The following PROSER2 variants were observed in gnomAD, a reference collection of about 807,000 sequenced individuals.
PROSER2 encodes proline and serine rich 2, also known as proline and serine-rich protein 2.
PROSER2 carries 18 observed loss-of-function variants against 14.6 expected under a neutral mutation model. The ratio of observed to expected loss-of-function variants is 1.23; its 90% CI spans 0.85 to 1.83. The LOEUF (loss-of-function observed/expected upper bound fraction) is 1.83. PROSER2 is among the 40% of genes most tolerant of loss of function. PROSER2 has a pLI of 0.00. For synonymous variants in PROSER2, 367 were observed against 286.4 expected, an observed-to-expected ratio of 1.28 and a Z score of -2.84; for missense variants, 823 against 629.8, an observed-to-expected ratio of 1.31 and a Z score of -3.28.
At position 11,838,487 on chromosome 10, in the gene PROSER2, G is replaced by A. The variant is rs796291006; in HGVS notation, c.-81-13510G>A. ...CAACACTGTATACCCATCCCGGCAC[G>A]TGTTTCCACATGTTCCTAGTAGACA... On this transcript the variant is annotated intron_variant, in intron 1 of 3. Transcript: ENST00000277570. This position sits in a 1 kb window ranked among gnomAD's most constrained non-coding sequence, Gnocchi z 4.4. Among the ~76,000 whole-genome samples the A allele has an allele frequency of 3.9e-5, 6 of 152,338 alleles. No homozygotes were observed. Among genetic ancestry groups the A allele is most frequent in the African/African-American group, 1.2e-4 (5 of 41,574 alleles).
In PROSER2 at chr10:11,830,353, CATG is replaced by C. The variant is rs1212306920; in HGVS notation, c.-82+6886_-82+6888del. Among the ~76,000 whole-genome samples, 7 of 152,222 alleles carry C rather than the reference CATG, an allele frequency of 4.6e-5. No homozygotes were observed. Among genetic ancestry groups the C allele is most frequent in the Non-Finnish European group, 1.0e-4 (7 of 68,030 alleles). On this transcript the variant is annotated intron_variant, in intron 1 of 3. Transcript: ENST00000277570. The surrounding 1 kb of genome is among the most constrained non-coding windows in gnomAD (Gnocchi z 4.5). ...GTTCCATCCACGTTGCTGCAAAAGA[CATG>C]ATTGCATTCATTTTTATGGCTGAGT...
chr10:11,844,577 TA>T (rs1370541417), intron 1 of PROSER2, among the ~76,000 whole-genome samples: 5 of 152,218 alleles, frequency 3.3e-5, no homozygotes, highest in Non-Finnish European at 7.3e-5. Context: ...TTTTGCTCAG[TA>T]ATATACCTAG....
intron 1 of PROSER2, among the ~76,000 whole-genome samples, chr10:11,829,484 T>A (rs1833661900): frequency 6.6e-6 from 1 of 151,798 alleles, no homozygotes; most frequent in South Asian, 2.1e-4. Context: ...CTCAGGACGC[T>A]GAGGCAGGAG....
intron 2 of PROSER2, among the ~76,000 whole-genome samples, chr10:11,864,194 T>G (rs1420715396): frequency 6.6e-6 from 1 of 152,234 alleles, no homozygotes; most frequent in African/African-American, 2.4e-5. Flanking sequence ...GGATTATGTA[T>G]AGGATCCTAG....
chr10:11,833,507 G>A (rs926878254), intron 1 of PROSER2, among the ~76,000 whole-genome samples: 8 of 151,756 alleles, frequency 5.3e-5, no homozygotes, highest in African/African-American at 1.5e-4. Flanking sequence ...CCTGGCCAAC[G>A]TGGTGAAACC....
At chr10:11,852,904 C>G (rs1834054970) in intron 2 of PROSER2, among the ~76,000 whole-genome samples, 1 of 151,714 alleles carries the variant, frequency 6.6e-6, no homozygotes. Context: ...AGTAAAGATG[C>G]TTTTGTATCC....
chr10:11,868,699 G>A (rs970132181), intron 3 of PROSER2, among the ~76,000 whole-genome samples: 1 of 152,146 alleles, frequency 6.6e-6, no homozygotes, highest in Non-Finnish European at 1.5e-5. Flanking sequence ...CACTCAGGCT[G>A]GAGTGCAGTG....
intron 2 of PROSER2, among the ~76,000 whole-genome samples, chr10:11,863,543 CAAAA>C (rs796501996): frequency 2.4e-5 from 3 of 125,768 alleles, no homozygotes; most frequent in Admixed American, 8.0e-5. Context: ...ATCCCCCCCA[CAAAA>C]AAAAAAAAAA....
Position 11,830,491 on chromosome 10 carries a change from A to G in PROSER2, c.-82+7021A>G, listed in dbSNP as rs1011538843. ...GTGAACAGCGCCGCGGTAAAGATGC[A>G]AGTGCAGGTGTCTTTTGATGTAATG... On this transcript the variant is annotated intron_variant, in intron 1 of 3. Transcript: ENST00000277570. The surrounding 1 kb of genome is among the most constrained non-coding windows in gnomAD (Gnocchi z 4.5). Among the ~76,000 whole-genome samples, 10 of 152,302 alleles carry G rather than the reference A, an allele frequency of 6.6e-5. No individual in the cohort carries two copies. The highest frequency in any genetic ancestry group is 2.4e-4 in the African/African-American group (10 of 41,558).
intron 1 of PROSER2, chr10:11,851,397 T>G (rs1379654754): frequency 6.6e-6 from 1 of 152,226 alleles, no homozygotes. Context: ...CCATAGAGTC[T>G]TCAGTTTCGG....
At chr10:11,831,815 C>T (rs1353559108) in intron 1 of PROSER2, 1 of 152,096 alleles carries the variant, frequency 6.6e-6, no homozygotes, top group Non-Finnish European at 1.5e-5. Flanking sequence ...AAAACCCAGC[C>T]TCTCTAGGTA....
At chr10:11,840,655 G>A (rs543381551) in intron 1 of PROSER2, among the ~76,000 whole-genome samples, 120 of 151,992 alleles carry the variant, frequency 7.9e-4, no homozygotes, top group Admixed American at 4.3e-3. Context: ...GGCCAGGCGC[G>A]GTGGCTCATC....
chr10:11,869,762 C>T lies in PROSER2; in HGVS notation c.664C>T (p.Pro222Ser). 6.4e-7 allele frequency: 1 copy of T among 1,571,400 alleles called. No individual in the cohort carries two copies. The highest frequency in any genetic ancestry group is 8.6e-7 in the Non-Finnish European group (1 of 1,160,194). Residue 222 changes from proline to serine, a missense_variant, in exon 4 of 4, where the codon CCC (proline) becomes TCC (serine). By Grantham distance (74) the Pro-to-Ser change is moderately conservative (BLOSUM62 -1). Transcript: ENST00000277570. The surrounding 1 kb of genome is among the most constrained non-coding windows in gnomAD (Gnocchi z 4.4). ...SPTSPFREGR[P>S]GEWRTPAARG... ...CACCTCCCCGTTCAGGGAGGGCCGGCCCGGGGAGTGGAGGACACCTGCCGC... is the reference window on the plus strand; with the variant it reads ...CACCTCCCCGTTCAGGGAGGGCCGGTCCGGGGAGTGGAGGACACCTGCCGC...
chr10:11,867,787 T>C (rs1834383839), intron 3 of PROSER2, among the ~76,000 whole-genome samples: 1 of 151,954 alleles, frequency 6.6e-6, no homozygotes, highest in Admixed American at 6.6e-5. Flanking sequence ...AGTACCAGGG[T>C]TGTTGGGGAT....
intron 1 of PROSER2, among the ~76,000 whole-genome samples, chr10:11,824,208 G>C (rs1294170868): frequency 6.6e-6 from 1 of 152,110 alleles, no homozygotes; most frequent in Non-Finnish European, 1.5e-5. Context: ...TGCGTGCAGA[G>C]CAGAAAAGTT....
chr10:11,841,956 G>A (rs191036181), intron 1 of PROSER2, among the ~76,000 whole-genome samples: 6 of 152,238 alleles, frequency 3.9e-5, no homozygotes, highest in East Asian at 1.9e-4. Flanking sequence ...AAAGGTGTGC[G>A]AAAGGCCAGG....
chr10:11,842,463 T>A (rs1381397598), intron 1 of PROSER2, among the ~76,000 whole-genome samples: 1 of 152,066 alleles, frequency 6.6e-6, no homozygotes, highest in East Asian at 1.9e-4. Flanking sequence ...CTCTAGAAAT[T>A]TTAACATGAA....
Position 11,852,048 on chromosome 10 carries a change from G to T in PROSER2, c.-30G>T. 2 of 1,570,008 alleles carry T rather than the reference G, an allele frequency of 1.3e-6. No homozygotes were observed. The highest frequency in any genetic ancestry group is 2.3e-5 in the South Asian group (2 of 85,716). ...TGCTGGCTCCTGCCCTGCTTCCTGT[G>T]ATCGAGCCGGCCCTGAGGACTCTGT... On this transcript the variant is annotated 5_prime_UTR_variant, in exon 2 of 4. The change abolishes the stop of an existing upstream ORF in the 5' untranslated region. Coordinates refer to ENST00000277570, the MANE Select transcript of PROSER2 (RefSeq NM_153256.4).
intron 2 of PROSER2, among the ~76,000 whole-genome samples, chr10:11,863,534 TC>T: frequency 8.0e-6 from 1 of 124,760 alleles, no homozygotes; most frequent in South Asian, 2.6e-4. Flanking sequence ...AGTGAAACCA[TC>T]CCCCCCACAA....
Sources: allele counts gnomAD v4.1 joint callset (sites outside exome capture counted in the v4.1 genomes callset), GRCh38; gene constraint gnomAD v4.1.1; non-coding constraint Gnocchi (gnomAD v3.1); transcripts MANE v1.5; gene names NCBI Gene and HGNC (gene_info 2026-07-23, HGNC 2026-07-21).